ARHGAP10: variants seen among roughly 807,000 people sequenced by gnomAD.
ARHGAP10 encodes Rho GTPase activating protein 10.
ARHGAP10 carries 87 observed loss-of-function variants against 108.6 expected under a neutral mutation model. The ratio of observed to expected loss-of-function variants is 0.80; its 90% CI spans 0.67 to 0.96. ARHGAP10 has a LOEUF of 0.96. ARHGAP10 is among the 40% of genes least tolerant of loss of function. The pLI is 0.00. For synonymous variants in ARHGAP10, 347 were observed against 341.1 expected, an observed-to-expected ratio of 1.02 and a Z score of -0.19; for missense variants, 939 against 954.5, an observed-to-expected ratio of 0.98 and a Z score of 0.21.
chr4:147,974,951 T>C (rs565554139), intron 18 of ARHGAP10, among the ~76,000 whole-genome samples: 60 of 152,264 alleles, frequency 3.9e-4, no homozygotes, highest in African/African-American at 1.3e-3. Flanking sequence ...CCCACCCCCA[T>C]GATTCAATTA....
chr4:148,068,880 T>C (rs556946433), intron 22 of ARHGAP10, among the ~76,000 whole-genome samples: 11 of 152,334 alleles, frequency 7.2e-5, no homozygotes, highest in Admixed American at 2.0e-4. Context: ...TCTTTGGTGC[T>C]ACTTGGGGTC....
At chr4:148,048,757 C>T (rs1728997194) in intron 20 of ARHGAP10, among the ~76,000 whole-genome samples, 1 of 152,106 alleles carries the variant, frequency 6.6e-6, no homozygotes, top group Admixed American at 6.5e-5. Flanking sequence ...CATTATGAGC[C>T]ACGGTACAGC....
Position 147,965,009 on chromosome 4 carries a change from T to TTA in ARHGAP10, c.1451-14_1451-13insAT. The TTA allele has an allele frequency of 8.8e-7, 1 of 1,135,586 alleles. No individual in the cohort carries two copies. The highest frequency in any genetic ancestry group is 1.2e-6 in the Non-Finnish European group (1 of 832,468). 70.3% of individuals were successfully genotyped at this position (1,135,586 alleles called of 1,614,324 possible). On this transcript the variant is annotated splice_polypyrimidine_tract_variant and intron_variant, in intron 16 of 22. Coordinates refer to ENST00000336498, the MANE Select transcript of ARHGAP10 (RefSeq NM_024605.4). Reference sequence around the variant, plus strand: ...TTCTTTATTTTTTTCTTTATTATTATTTTTTTTTTGGAAGAAAGCGGCAGC... The same window carrying TTA: ...TTCTTTATTTTTTTCTTTATTATTATTATTTTTTTTTGGAAGAAAGCGGCAGC...
At chr4:147,839,126 A>ATCTGTCTGTCTGTCTG (rs1280086467) in intron 3 of ARHGAP10, among the ~76,000 whole-genome samples, 5 of 148,606 alleles carry the variant, frequency 3.4e-5, no homozygotes, top group African/African-American at 7.5e-5. Context: ...CTATCTATCT[A>ATCTGTCTGTCTGTCTG]TCTATCTATC....
chr4:147,804,335 C>CT (rs935460629), intron 1 of ARHGAP10, among the ~76,000 whole-genome samples: 1 of 151,850 alleles, frequency 6.6e-6, no homozygotes, highest in Admixed American at 6.6e-5. Context: ...TGATGGTGTT[C>CT]TTTTTTTTAT....
chr4:147,999,542 G>T (rs903657882), intron 18 of ARHGAP10, among the ~76,000 whole-genome samples: 1 of 152,154 alleles, frequency 6.6e-6, no homozygotes. Flanking sequence ...GCCCATTGCC[G>T]CTCTGGATCA....
chr4:148,066,779 C>T (rs1256929116), intron 22 of ARHGAP10, among the ~76,000 whole-genome samples: 3 of 152,164 alleles, frequency 2.0e-5, no homozygotes, highest in Admixed American at 6.5e-5. Flanking sequence ...TCATCCTAAG[C>T]GGCAGGGATG....
At chr4:147,749,143 C>T (rs1344201828) in intron 1 of ARHGAP10, among the ~76,000 whole-genome samples, 2 of 151,972 alleles carry the variant, frequency 1.3e-5, no homozygotes, top group Admixed American at 1.3e-4. Context: ...TTAATTTTAA[C>T]CATAATAGAG....
intron 20 of ARHGAP10, among the ~76,000 whole-genome samples, chr4:148,061,077 G>T (rs140799905): frequency 2.9e-3 from 441 of 151,102 alleles, no homozygotes; most frequent in Non-Finnish European, 5.4e-3. Flanking sequence ...CCACCCGCGG[G>T]TGTTTTCATG....
intron 18 of ARHGAP10, among the ~76,000 whole-genome samples, chr4:147,969,152 T>C (rs1739309155): frequency 6.6e-6 from 1 of 152,140 alleles, no homozygotes; most frequent in Non-Finnish European, 1.5e-5. Context: ...GGGGAAGGCA[T>C]AGCAAGAGTA....
chr4:148,037,156 A>G (rs1728413983), intron 19 of ARHGAP10, among the ~76,000 whole-genome samples: 1 of 152,216 alleles, frequency 6.6e-6, no homozygotes, highest in African/African-American at 2.4e-5. Context: ...CAAAATCAAA[A>G]TTTTGGACAA....
chr4:147,740,028 G>A (rs1052086852), intron 1 of ARHGAP10, among the ~76,000 whole-genome samples: 3 of 147,916 alleles, frequency 2.0e-5, no homozygotes, highest in Non-Finnish European at 4.5e-5. Flanking sequence ...GAGCCACTGC[G>A]TCTGGCCTTA....
intron 18 of ARHGAP10, among the ~76,000 whole-genome samples, chr4:147,969,703 A>C (rs894191516): frequency 3.3e-5 from 5 of 152,176 alleles, no homozygotes; most frequent in African/African-American, 7.2e-5. Flanking sequence ...TGCTGCTTTC[A>C]CCTTGTTAAT....
chr4:147,798,819 A>T (rs1731458840), intron 1 of ARHGAP10, among the ~76,000 whole-genome samples: 3 of 126,246 alleles, frequency 2.4e-5, no homozygotes, highest in African/African-American at 3.5e-5. Flanking sequence ...ATATATATAG[A>T]CTTTTTACCC....
At chr4:147,760,069 C>T (rs1253168468) in intron 1 of ARHGAP10, among the ~76,000 whole-genome samples, 3 of 152,124 alleles carry the variant, frequency 2.0e-5, no homozygotes, top group Non-Finnish European at 4.4e-5. Flanking sequence ...GTATTTTATA[C>T]ATATAGTACA....
chr4:147,799,456 A>G (rs923212012), intron 1 of ARHGAP10, among the ~76,000 whole-genome samples: 3 of 152,134 alleles, frequency 2.0e-5, no homozygotes, highest in Non-Finnish European at 4.4e-5. Flanking sequence ...GGGCTCAATG[A>G]TACAAGGCTG....
At chr4:147,850,277 G>A (rs775986403) in intron 4 of ARHGAP10, among the ~76,000 whole-genome samples, 13 of 152,344 alleles carry the variant, frequency 8.5e-5, no homozygotes, top group South Asian at 2.1e-4. Flanking sequence ...GGCCGTGGAC[G>A]GGGCCAAGTA....
chr4:147,837,643 G>GTTTTTTTTGTTTTTTTTTT, intron 3 of ARHGAP10, among the ~76,000 whole-genome samples: 2 of 70,238 alleles, frequency 2.8e-5, no homozygotes, highest in South Asian at 7.5e-4. Context: ...TCTGGTCACT[G>GTTTTTTTTGTTTTTTTTTT]TTTTTTTTTT....
chr4:147,950,587 A>G (rs977419364), intron 15 of ARHGAP10, among the ~76,000 whole-genome samples: 29 of 152,194 alleles, frequency 1.9e-4, no homozygotes, highest in African/African-American at 6.8e-4. Context: ...AAAACAGCCA[A>G]AGCCCCAAAG....
Sources: gnomAD v4.1 joint callset for allele counts (sites outside exome capture counted in the v4.1 genomes callset) on GRCh38, gnomAD v4.1.1 for gene constraint, MANE v1.5 for transcripts, NCBI Gene and HGNC (gene_info 2026-07-23, HGNC 2026-07-21) for gene names.